The following FMN1 variants were observed in gnomAD, a reference collection of about 807,000 sequenced individuals.
FMN1 encodes formin-1.
In FMN1, 110 loss-of-function variants were observed where a neutral mutation model predicts 132.4. That is an observed-to-expected ratio of 0.83 (90% CI 0.71 to 0.97). The LOEUF (loss-of-function observed/expected upper bound fraction) is 0.97, where lower values mean the gene tolerates loss of function less well. FMN1 is among the 50% of genes least tolerant of loss of function. The pLI is 0.00. For missense variants in FMN1, 1,792 were observed against 1,705.3 expected (o/e 1.05, Z -0.90); for synonymous variants, 722 against 651.7 (o/e 1.11, Z -1.64).
At chr15:32,864,925 A>C (rs964425146) in intron 16 of FMN1, among the ~76,000 whole-genome samples, 1 of 152,236 alleles carries the variant, frequency 6.6e-6, no homozygotes, top group Non-Finnish European at 1.5e-5. Flanking sequence ...TTTGGCCATT[A>C]AAACAAATGA....
intron 5 of FMN1, among the ~76,000 whole-genome samples, chr15:33,085,186 A>C (rs2038640459): frequency 6.6e-6 from 1 of 152,158 alleles, no homozygotes; most frequent in African/African-American, 2.4e-5. Flanking sequence ...GTGGTGATTT[A>C]TGAGATTTGC....
chr15:32,843,626 G>A (rs562707723), intron 17 of FMN1, among the ~76,000 whole-genome samples: 35 of 152,196 alleles, frequency 2.3e-4, no homozygotes, highest in African/African-American at 7.9e-4. Flanking sequence ...AATTACTCAC[G>A]CCACATTTTA....
intron 4 of FMN1, among the ~76,000 whole-genome samples, chr15:33,138,957 T>TATC (rs10529478): frequency 0.44 from 67,321 of 151,752 alleles, 16,187 homozygotes; most frequent in South Asian, 0.55. Context: ...TCTAATCTCT[T>TATC]CTGGTGAATG....
intron 3 of FMN1, among the ~76,000 whole-genome samples, chr15:33,171,486 C>T (rs1303746123): frequency 6.6e-6 from 1 of 151,778 alleles, no homozygotes; most frequent in African/African-American, 2.4e-5. Context: ...TAAATAAGTA[C>T]AAATATTATA....
chr15:32,996,891 G>C (rs1011715048), intron 7 of FMN1, among the ~76,000 whole-genome samples: 2 of 152,086 alleles, frequency 1.3e-5, no homozygotes, highest in Non-Finnish European at 2.9e-5. Flanking sequence ...GCCTGTTAAG[G>C]AATCAGCAGT....
At chr15:33,057,793 C>T (rs1159224557) in intron 6 of FMN1, among the ~76,000 whole-genome samples, 1 of 152,138 alleles carries the variant, frequency 6.6e-6, no homozygotes, top group Non-Finnish European at 1.5e-5. Flanking sequence ...CCTATTGCAA[C>T]TTTGGGTTTA....
chr15:33,170,837 A>G (rs1215084201), intron 3 of FMN1, among the ~76,000 whole-genome samples: 1 of 152,174 alleles, frequency 6.6e-6, no homozygotes, highest in Non-Finnish European at 1.5e-5. Context: ...TCAAAAAAAG[A>G]AACTACCATA....
rs561060093 is a variant in FMN1 at position 32,787,627 on chromosome 15, T to C, written c.4131-10708A>G. Among the ~76,000 whole-genome samples the C allele has an allele frequency of 1.1e-4, 17 of 152,304 alleles. No homozygotes were observed. The East Asian group carries it at 3.1e-3, about 28-fold the overall frequency. On this transcript the variant is annotated intron_variant, in intron 19 of 20. Coordinates refer to ENST00000616417, the MANE Select transcript of FMN1 (RefSeq NM_001277313.2). ...GTGCTTTGGGAGGCTGAGGCAGGAC[T>C]GCTTGAGGCTAGGAGTTCAAGGCCA...
At chr15:32,941,425 CTTACT>C (rs1401846656) in intron 9 of FMN1, among the ~76,000 whole-genome samples, 2 of 152,154 alleles carry the variant, frequency 1.3e-5, no homozygotes, top group Non-Finnish European at 1.5e-5. Context: ...AAGTATAGAC[CTTACT>C]TTACAAGAAT....
chr15:33,033,549 T>A (rs2036045637), intron 6 of FMN1, among the ~76,000 whole-genome samples: 1 of 152,132 alleles, frequency 6.6e-6, no homozygotes, highest in Middle Eastern at 3.2e-3. Context: ...CTACATCAAA[T>A]TTTCCCTCTC....
In FMN1 at chr15:33,053,879, CCTTT is replaced by C. The variant is rs1188480018; in HGVS notation, c.2161+11074_2161+11077del. Among the ~76,000 whole-genome samples the C allele has an allele frequency of 4.6e-5, 7 of 151,270 alleles. No individual in the cohort carries two copies. The East Asian group carries it at 5.8e-4, about 13-fold the overall frequency. On this transcript the variant is annotated intron_variant, in intron 6 of 20. Coordinates refer to ENST00000616417, the MANE Select transcript of FMN1 (RefSeq NM_001277313.2). ...CAGATGCTATGGTTTAGCGTTCTTT[CCTTT>C]CTTTGTTTTCTTTTTTCCTTTTCTT...
chr15:32,838,523 T>C (rs1005476339), intron 17 of FMN1, among the ~76,000 whole-genome samples: 4 of 152,122 alleles, frequency 2.6e-5, no homozygotes, highest in African/African-American at 9.7e-5. Flanking sequence ...GGGTTACGAG[T>C]GACCTGACTG....
chr15:32,982,802 T>G (rs188700614), intron 7 of FMN1, among the ~76,000 whole-genome samples: 1 of 151,940 alleles, frequency 6.6e-6, no homozygotes, highest in African/African-American at 2.4e-5. Flanking sequence ...GGGTCTTGAG[T>G]CTGCCAGGTT....
chr15:33,074,445 T>C (rs541287023), intron 5 of FMN1, among the ~76,000 whole-genome samples: 7 of 152,302 alleles, frequency 4.6e-5, no homozygotes, highest in African/African-American at 1.7e-4. Context: ...CACTAATTGG[T>C]TAAAAAGAAA....
In FMN1 at chr15:33,111,088, A is replaced by G. The variant is rs143902275; in HGVS notation, c.1868-22114T>C. On this transcript the variant is annotated intron_variant, in intron 4 of 20. Coordinates refer to ENST00000616417, the MANE Select transcript of FMN1 (RefSeq NM_001277313.2). ...TGACCTTACATTCATTTCTCATGGC[A>G]TATTTCCATTTCCCTCACAATCTAT... 9.6e-3 allele frequency among the ~76,000 whole-genome samples: 1,403 copies of G among 146,886 alleles called. 6 individuals carry two copies. Among genetic ancestry groups the G allele is most frequent in the Middle Eastern group, 0.017 (5 of 294 alleles).
intron 4 of FMN1, among the ~76,000 whole-genome samples, chr15:33,115,500 C>CACACA (rs1001543357): frequency 1.1e-4 from 17 of 147,894 alleles, no homozygotes; most frequent in African/African-American, 4.3e-4. Context: ...AGCCCCCCCC[C>CACACA]CCCACACACA....
chr15:32,899,853 C>A, intron 14 of FMN1, 126 bp downstream of exon 14: 1 of 929,998 alleles, frequency 1.1e-6, no homozygotes, highest in Non-Finnish European at 1.6e-6. Context: ...AATGCATGCT[C>A]TAATATAAAT....
At chr15:33,193,622 A>C (rs915917868) in intron 2 of FMN1, among the ~76,000 whole-genome samples, 1 of 152,144 alleles carries the variant, frequency 6.6e-6, no homozygotes, top group Non-Finnish European at 1.5e-5. Context: ...GCCACTCCCC[A>C]TATATATCAC....
At chr15:32,994,247 C>G (rs201268496) in intron 7 of FMN1, among the ~76,000 whole-genome samples, 13 of 151,446 alleles carry the variant, frequency 8.6e-5, no homozygotes, top group South Asian at 2.1e-4. Flanking sequence ...CACACACACA[C>G]ACAGACACAC....
Sources: gnomAD v4.1 joint callset for allele counts (sites outside exome capture counted in the v4.1 genomes callset) on GRCh38, gnomAD v4.1.1 for gene constraint, MANE v1.5 for transcripts, NCBI Gene and HGNC (gene_info 2026-07-23, HGNC 2026-07-21) for gene names.